The following RAP1A variants were observed in gnomAD, a reference collection of about 807,000 sequenced individuals.
The protein encoded by RAP1A is RAP1A, member of RAS oncogene family, also known as ras-related protein Rap-1A.
RAP1A carries 6 observed loss-of-function variants against 26.4 expected under a neutral mutation model. The ratio of observed to expected loss-of-function variants is 0.23; its 90% CI spans 0.12 to 0.45. The LOEUF (loss-of-function observed/expected upper bound fraction) is 0.45. Among genes scored for constraint, RAP1A ranks in the 20% least tolerant of loss-of-function variants. The pLI is 0.99. For synonymous variants in RAP1A, 73 were observed against 79.4 expected (o/e 0.92, Z 0.43); for missense variants, 121 against 217.2 (o/e 0.56, Z 2.78).
At chr1:111,691,279 A>T in intron 1 of RAP1A, 55 bp from the exon 2 acceptor site, 1 of 1,322,286 alleles carries the variant, frequency 7.6e-7, no homozygotes, top group Non-Finnish European at 1.1e-6. Flanking sequence ...AGTAGTGTAC[A>T]TTATTAGACT....
intron 1 of RAP1A, among the ~76,000 whole-genome samples, chr1:111,546,344 C>T (rs1657034140): frequency 1.3e-5 from 2 of 152,074 alleles, no homozygotes; most frequent in South Asian, 4.1e-4. Flanking sequence ...GTTGTGCAAC[C>T]ATTACCACCA....
chr1:111,703,597 C>T, intron 5 of RAP1A, 121 bp downstream of exon 5: 1 of 988,998 alleles, frequency 1.0e-6, no homozygotes, highest in Admixed American at 3.2e-5. Context: ...GAAAGAGCCC[C>T]TGTGACCAAA....
chr1:111,587,372 T>A (rs1658389136), intron 1 of RAP1A, among the ~76,000 whole-genome samples: 1 of 152,202 alleles, frequency 6.6e-6, no homozygotes. Flanking sequence ...CGGAACTCCC[T>A]GAGCTCCATC....
intron 1 of RAP1A, among the ~76,000 whole-genome samples, chr1:111,685,028 G>A (rs1373236254): frequency 6.6e-6 from 1 of 152,104 alleles, no homozygotes; most frequent in African/African-American, 2.4e-5. Flanking sequence ...AACAAGCAAT[G>A]GGGAAAGGAT....
chr1:111,692,031 T>C (rs1168706202), intron 2 of RAP1A, among the ~76,000 whole-genome samples: 1 of 152,080 alleles, frequency 6.6e-6, no homozygotes, highest in African/African-American at 2.4e-5. Flanking sequence ...GGGAGACAAA[T>C]TGGGAGTTAA....
intron 1 of RAP1A, among the ~76,000 whole-genome samples, chr1:111,666,855 A>G (rs1660811140): frequency 6.6e-6 from 1 of 152,210 alleles, no homozygotes. Context: ...TAGCTTCTGC[A>G]AAAGCCCTGT....
Position 111,703,431 on chromosome 1 carries a change from A to C in RAP1A, c.279A>C (p.Leu93Phe). The part of the protein sequence containing the change: ...SITAQSTFND[L>F]QDLREQILRV... The stretch of plus-strand genomic sequence containing the variant: ...CAGCTCAGTCCACGTTTAACGACTT[A>C]CAGGACCTGAGGGAACAGATTTTAC... Residue 93 changes from leucine to phenylalanine, a missense_variant, in exon 5 of 8, where the codon TTA becomes TTC. Transcript: ENST00000369709. The C allele has an allele frequency of 6.2e-7, 1 of 1,607,682 alleles. No individual in the cohort carries two copies. The highest frequency in any genetic ancestry group is 8.5e-7 in the Non-Finnish European group (1 of 1,176,502).
upstream of RAP1A, among the ~76,000 whole-genome samples, chr1:111,615,534 A>G (rs564000480): frequency 3.9e-5 from 6 of 152,258 alleles, no homozygotes; most frequent in South Asian, 1.2e-3. Flanking sequence ...TTAAAATTAA[A>G]TAGGATTTAA....
At chr1:111,659,760 T>G (rs1660576360) in intron 1 of RAP1A, among the ~76,000 whole-genome samples, 1 of 152,184 alleles carries the variant, frequency 6.6e-6, no homozygotes, top group Admixed American at 6.5e-5. Context: ...CTTACTGTAT[T>G]ATACTTGTTT....
chr1:111,593,312 T>G (rs910872818), intron 1 of RAP1A, among the ~76,000 whole-genome samples: 1 of 152,218 alleles, frequency 6.6e-6, no homozygotes, highest in African/African-American at 2.4e-5. Context: ...AGCTGCTAAT[T>G]AGGAACCTGC....
At chr1:111,608,737 A>G (rs113098004) in intron 1 of RAP1A, 1,677 of 158,336 alleles carry the variant, frequency 0.011, 25 homozygotes, top group African/African-American at 0.038. Flanking sequence ...CGTCTCCACC[A>G]AAAAAATACG....
At chr1:111,688,299 G>GTGTGTGTGTATGTGTA (rs149961847) in intron 1 of RAP1A, among the ~76,000 whole-genome samples, 111 of 140,702 alleles carry the variant, frequency 7.9e-4, no homozygotes, top group East Asian at 1.6e-3. Context: ...GTGTGTGTGT[G>GTGTGTGTGTATGTGTA]TATATATATT....
Position 111,578,494 on chromosome 1 carries a change from G to A in RAP1A, c.-28+35985G>A, listed in dbSNP as rs889286296. On this transcript the variant is annotated intron_variant, in intron 1 of 7. Coordinates refer to the RAP1A transcript ENST00000356415. Reference sequence around the variant, plus strand: ...GCAAAAATAGTTTATTTTCAATGGGGAAAAAAAACCACAAAAAAAAATTAC... The same window carrying A: ...GCAAAAATAGTTTATTTTCAATGGGAAAAAAAAACCACAAAAAAAAATTAC... Among the ~76,000 whole-genome samples, 8 of 108,654 alleles carry A rather than the reference G, an allele frequency of 7.4e-5. No individual in the cohort carries two copies. The Admixed American group carries it at 8.0e-4, about 11-fold the overall frequency. 71.3% of individuals were successfully genotyped at this position (108,654 alleles called of 152,430 possible).
In RAP1A at chr1:111,709,139, T is replaced by G; in HGVS notation, c.469-10T>G. The G allele has an allele frequency of 6.3e-7, 1 of 1,598,630 alleles. No homozygotes were observed. On this transcript the variant is annotated splice_polypyrimidine_tract_variant and intron_variant, in intron 6 of 7. Transcript: ENST00000369709. ...GTGGAGTAAGTACTTTTTTTCTTGT[T>G]TTTACTTAGATATTTTATGACCTGG... is the stretch of plus-strand genomic sequence containing the variant.
chr1:111,653,615 G>A (rs1335395949), intron 1 of RAP1A, among the ~76,000 whole-genome samples: 1 of 150,816 alleles, frequency 6.6e-6, no homozygotes, highest in Non-Finnish European at 1.5e-5. Context: ...CCGGGAAGGC[G>A]GAGGTTGCAG....
At chr1:111,590,956 A>T (rs11102310) in intron 1 of RAP1A, among the ~76,000 whole-genome samples, 82,867 of 152,038 alleles carry the variant, frequency 0.55, 23,679 homozygotes, top group Middle Eastern at 0.66. Flanking sequence ...ATCATATAAG[A>T]TTATGATTAT....
At chr1:111,576,261 C>T (rs1658144895) in intron 1 of RAP1A, among the ~76,000 whole-genome samples, 1 of 152,222 alleles carries the variant, frequency 6.6e-6, no homozygotes, top group Admixed American at 6.5e-5. Context: ...AAATAGGTTG[C>T]TGAGTCCTAA....
In RAP1A at chr1:111,646,786, G is replaced by A. The variant is rs139500192; in HGVS notation, c.-28+26852G>A. Among the ~76,000 whole-genome samples, 1,010 of 152,262 alleles carry A rather than the reference G, an allele frequency of 6.6e-3. 9 individuals carry two copies. The highest frequency in any genetic ancestry group is 0.023 in the African/African-American group (970 of 41,554). On this transcript the variant is annotated intron_variant, in intron 1 of 7. Coordinates refer to ENST00000369709, the MANE Select transcript of RAP1A (RefSeq NM_002884.4). The stretch of plus-strand genomic sequence containing the variant: ...GATCTCCTGACCTTGTGATCCGCCC[G>A]CCTCGGCTTCCCAAAGTGCCGGGAT...
intron 1 of RAP1A, among the ~76,000 whole-genome samples, chr1:111,687,108 C>T (rs1661507282): frequency 6.6e-6 from 1 of 151,800 alleles, no homozygotes; most frequent in Admixed American, 6.6e-5. Context: ...CCTTTCAATT[C>T]TACCATCTTG....
Sources: allele counts gnomAD v4.1 joint callset (sites outside exome capture counted in the v4.1 genomes callset), GRCh38; gene constraint gnomAD v4.1.1; transcripts MANE v1.5; gene names NCBI Gene and HGNC (gene_info 2026-07-23, HGNC 2026-07-21).